The following KHDRBS2 variants were observed in gnomAD, a reference collection of about 807,000 sequenced individuals.
The protein encoded by KHDRBS2 is KH RNA binding domain containing, signal transduction associated 2, also known as KH domain-containing, RNA-binding, signal transduction-associated protein 2.
A neutral mutation model predicts 44.3 loss-of-function variants in KHDRBS2; 26 were observed. The ratio of observed to expected loss-of-function variants is 0.59; its 90% CI spans 0.43 to 0.81. KHDRBS2 has a LOEUF of 0.81. KHDRBS2 is among the 40% of genes least tolerant of loss of function. KHDRBS2 has a pLI of 0.00. For synonymous variants in KHDRBS2, 194 were observed against 151.1 expected, an observed-to-expected ratio of 1.28 and a Z score of -2.08; for missense variants, 476 against 433.1, an observed-to-expected ratio of 1.10 and a Z score of -0.88.
the KHDRBS2 span, among the ~76,000 whole-genome samples, chr6:61,672,760 G>A: frequency 6.6e-6 from 1 of 150,542 alleles, no homozygotes; most frequent in South Asian, 2.1e-4. Context: ...TTTGTCAGAT[G>A]AGTAGGTTGC....
chr6:61,776,602 C>A (rs1478217849), intron 6 of KHDRBS2, among the ~76,000 whole-genome samples: 2 of 152,160 alleles, frequency 1.3e-5, no homozygotes, highest in African/African-American at 2.4e-5. Flanking sequence ...CTTCTCACAC[C>A]AGTTAGAATG....
At chr6:61,704,806 C>T (rs1769237127) in intron 7 of KHDRBS2, among the ~76,000 whole-genome samples, 1 of 151,798 alleles carries the variant, frequency 6.6e-6, no homozygotes, top group Admixed American at 6.6e-5. Flanking sequence ...ATAAGCAAAT[C>T]ATTGTAGTAT....
chr6:62,148,023 T>A (rs1584950768), intron 2 of KHDRBS2, among the ~76,000 whole-genome samples: 1 of 152,110 alleles, frequency 6.6e-6, no homozygotes, highest in East Asian at 1.9e-4. Flanking sequence ...AAAAAATAAA[T>A]ATTATTCATG....
intron 1 of KHDRBS2, among the ~76,000 whole-genome samples, chr6:62,209,401 C>A (rs1315332013): frequency 1.3e-5 from 2 of 152,148 alleles, no homozygotes; most frequent in Non-Finnish European, 2.9e-5. Flanking sequence ...TGATTTACAG[C>A]CCATTTCTCA....
At chr6:61,886,849 C>T (rs1261486426) in intron 6 of KHDRBS2, among the ~76,000 whole-genome samples, 1 of 152,136 alleles carries the variant, frequency 6.6e-6, no homozygotes, top group African/African-American at 2.4e-5. Context: ...GATAGTTTCT[C>T]TTTAACTACA....
chr6:61,733,392 A>G (rs570024881), intron 6 of KHDRBS2, among the ~76,000 whole-genome samples: 1 of 152,096 alleles, frequency 6.6e-6, no homozygotes, highest in Non-Finnish European at 1.5e-5. Context: ...GGAGTTCGAG[A>G]CCAGCCTGGC....
chr6:61,550,321 A>G, the KHDRBS2 span, among the ~76,000 whole-genome samples: 1 of 152,030 alleles, frequency 6.6e-6, no homozygotes, highest in African/African-American at 2.4e-5. Flanking sequence ...TCCTGTGTTC[A>G]CTTAGGATAC....
Position 61,806,739 on chromosome 6 carries a change from T to G in KHDRBS2, c.811-73975A>C, listed in dbSNP as rs181428176. 3.0e-3 allele frequency among the ~76,000 whole-genome samples: 452 copies of G among 152,170 alleles called. 3 individuals are homozygous for G. Among genetic ancestry groups the G allele is most frequent in the Non-Finnish European group, 5.3e-3 (358 of 68,004 alleles). On this transcript the variant is annotated intron_variant, in intron 6 of 8. Transcript: ENST00000281156. Reference sequence around the variant, plus strand: ...TTACTAGTTTTGTTTTGCCTTCTATTATTTCAAAAAAAAGGCCTAATTTCT... The same window carrying G: ...TTACTAGTTTTGTTTTGCCTTCTATGATTTCAAAAAAAAGGCCTAATTTCT...
chr6:61,929,438 T>G (rs1809602035), intron 4 of KHDRBS2, among the ~76,000 whole-genome samples: 1 of 152,176 alleles, frequency 6.6e-6, no homozygotes, highest in Non-Finnish European at 1.5e-5. Context: ...TAACTAATTT[T>G]CATCACTTAG....
chr6:61,546,413 A>G, the KHDRBS2 span, among the ~76,000 whole-genome samples: 1 of 152,102 alleles, frequency 6.6e-6, no homozygotes, highest in African/African-American at 2.4e-5. Context: ...ATCCTCACAT[A>G]ATGTCATTGA....
chr6:61,885,151 C>T (rs751450949), intron 6 of KHDRBS2, among the ~76,000 whole-genome samples: 137 of 151,696 alleles, frequency 9.0e-4, no homozygotes, highest in Non-Finnish European at 1.6e-3. Context: ...TGGAGGTCTA[C>T]GTTTTGATCA....
In KHDRBS2 at chr6:62,130,626, C is replaced by T. The variant is rs576835190; in HGVS notation, c.219+46559G>A. Among the ~76,000 whole-genome samples the T allele has an allele frequency of 1.3e-4, 20 of 151,778 alleles. 1 individual carries two copies. The South Asian group carries it at 4.0e-3, about 30-fold the overall frequency. ...ATATATAATGAATAATATATAGATGCTCCTCAGCTTACAATGAGGTTGTGT... is the reference window on the plus strand; with the variant it reads ...ATATATAATGAATAATATATAGATGTTCCTCAGCTTACAATGAGGTTGTGT... On this transcript the variant is annotated intron_variant, in intron 2 of 8. Transcript: ENST00000281156.
chr6:62,231,454 C>T (rs952156118), intron 1 of KHDRBS2, among the ~76,000 whole-genome samples: 1 of 152,120 alleles, frequency 6.6e-6, no homozygotes, highest in Non-Finnish European at 1.5e-5. Flanking sequence ...GAAGCCACCC[C>T]TATAACCCAA....
intron 7 of KHDRBS2, among the ~76,000 whole-genome samples, chr6:61,702,126 G>T (rs964333324): frequency 6.6e-6 from 1 of 151,830 alleles, no homozygotes; most frequent in African/African-American, 2.4e-5. Context: ...ACTTCTCGTT[G>T]TTCCCCTCTA....
chr6:61,979,100 A>G (rs1773324482), intron 3 of KHDRBS2, among the ~76,000 whole-genome samples: 2 of 152,078 alleles, frequency 1.3e-5, no homozygotes, highest in African/African-American at 4.8e-5. Flanking sequence ...TATACTAAGT[A>G]TTTTATACAT....
At chr6:62,163,528 C>T (rs1202368564) in intron 2 of KHDRBS2, among the ~76,000 whole-genome samples, 2 of 151,954 alleles carry the variant, frequency 1.3e-5, no homozygotes, top group Non-Finnish European at 2.9e-5. Flanking sequence ...AGACACACTC[C>T]CAACTAATGA....
At chr6:61,747,487 C>A (rs1379525299) in intron 6 of KHDRBS2, among the ~76,000 whole-genome samples, 3 of 152,156 alleles carry the variant, frequency 2.0e-5, no homozygotes, top group Non-Finnish European at 4.4e-5. Context: ...AATTTAAGAA[C>A]CAATCACTTA....
At position 61,848,566 on chromosome 6, in the gene KHDRBS2, TA is replaced by T. The variant is rs1485856593; in HGVS notation, c.810+46068del. ...GTATATATATACATATATATATGTA[TA>T]TATATATACATATATATATATATAT... is the stretch of plus-strand genomic sequence containing the variant. On this transcript the variant is annotated intron_variant, in intron 6 of 8. Coordinates refer to ENST00000281156, the MANE Select transcript of KHDRBS2 (RefSeq NM_152688.4). Among the ~76,000 whole-genome samples the T allele has an allele frequency of 3.2e-5, 2 of 62,020 alleles. 1 individual carries two copies. The highest frequency in any genetic ancestry group is 6.1e-5 in the Non-Finnish European group (2 of 32,572). The allele number at this position is 62,020 out of a possible 152,430, so 40.7% of individuals were successfully genotyped here.
chr6:61,837,306 G>A (rs914691864), intron 6 of KHDRBS2, among the ~76,000 whole-genome samples: 1 of 151,936 alleles, frequency 6.6e-6, no homozygotes, highest in Non-Finnish European at 1.5e-5. Context: ...TCCTGAATAT[G>A]AATGATTTTG....
Sources: allele counts gnomAD v4.1 joint callset (sites outside exome capture counted in the v4.1 genomes callset), GRCh38; gene constraint gnomAD v4.1.1; transcripts MANE v1.5; gene names NCBI Gene and HGNC (gene_info 2026-07-23, HGNC 2026-07-21).